PTPRC: variants seen among roughly 807,000 people sequenced by gnomAD.
PTPRC encodes the protein protein tyrosine phosphatase receptor type C, also known as receptor-type tyrosine-protein phosphatase C.
PTPRC carries 44 observed loss-of-function variants against 155.9 expected under a neutral mutation model. The ratio of observed to expected loss-of-function variants is 0.28; its 90% CI spans 0.22 to 0.36. PTPRC has a LOEUF of 0.36. Among genes scored for constraint, PTPRC ranks in the 10% least tolerant of loss-of-function variants. The pLI is 1.00. For synonymous variants in PTPRC, 525 were observed against 533.1 expected, an observed-to-expected ratio of 0.98 and a Z score of 0.21; for missense variants, 1,401 against 1,564.6, an observed-to-expected ratio of 0.90 and a Z score of 1.76.
At chr1:198,642,915 T>TCTTC (rs1662692314) in intron 2 of PTPRC, among the ~76,000 whole-genome samples, 6 of 138,604 alleles carry the variant, frequency 4.3e-5, no homozygotes, top group African/African-American at 1.4e-4. Flanking sequence ...TTCCTTTCTT[T>TCTTC]CTTTCTTTCT....
At chr1:198,650,899 G>T (rs1236687523) in intron 2 of PTPRC, among the ~76,000 whole-genome samples, 1 of 151,746 alleles carries the variant, frequency 6.6e-6, no homozygotes, top group East Asian at 1.9e-4. Context: ...AAAAGGGTTG[G>T]CATTATAGTG....
intron 2 of PTPRC, among the ~76,000 whole-genome samples, chr1:198,674,208 C>A (rs890935385): frequency 1.3e-4 from 20 of 152,148 alleles, no homozygotes; most frequent in Admixed American, 2.6e-4. Flanking sequence ...GGAGCGGCAT[C>A]TGATGCTCAT....
chr1:198,732,724 A>G (rs929373078), intron 20 of PTPRC, among the ~76,000 whole-genome samples, 168 bp downstream of exon 20: 26 of 151,940 alleles, frequency 1.7e-4, no homozygotes, highest in Non-Finnish European at 4.4e-5. Flanking sequence ...TTATTATGTG[A>G]CTATTGGTAT....
intron 2 of PTPRC, among the ~76,000 whole-genome samples, chr1:198,664,245 A>G (rs1487807247): frequency 6.6e-6 from 1 of 152,148 alleles, no homozygotes; most frequent in African/African-American, 2.4e-5. Context: ...CCCACATTTG[A>G]GAGGGAACTA....
chr1:198,755,625 C>T (rs1030537093), intron 32 of PTPRC, among the ~76,000 whole-genome samples: 8 of 152,010 alleles, frequency 5.3e-5, no homozygotes, highest in African/African-American at 1.7e-4. Context: ...AAGTACAAAA[C>T]GTGGCATCAT....
At chr1:198,664,092 T>C (rs968166619) in intron 2 of PTPRC, among the ~76,000 whole-genome samples, 1 of 152,078 alleles carries the variant, frequency 6.6e-6, no homozygotes, top group Non-Finnish European at 1.5e-5. Context: ...TTTAAGACAA[T>C]GTTTGCTATA....
chr1:198,739,765 C>T (rs1187098401), intron 23 of PTPRC, among the ~76,000 whole-genome samples: 1 of 151,762 alleles, frequency 6.6e-6, no homozygotes, highest in African/African-American at 2.4e-5. Flanking sequence ...CAACCAATGG[C>T]TGAAGAATAC....
intron 14 of PTPRC, among the ~76,000 whole-genome samples, chr1:198,719,468 C>A (rs1327024403): frequency 6.6e-6 from 1 of 152,104 alleles, no homozygotes; most frequent in African/African-American, 2.4e-5. Context: ...ACATAATTCC[C>A]CTTTTTATTT....
chr1:198,654,753 A>AT (rs1663459008), intron 2 of PTPRC, among the ~76,000 whole-genome samples: 1 of 151,914 alleles, frequency 6.6e-6, no homozygotes, highest in African/African-American at 2.4e-5. Flanking sequence ...ATATGTAATA[A>AT]TAGTAATAAA....
chr1:198,705,789 A>G (rs551279903), intron 8 of PTPRC, among the ~76,000 whole-genome samples: 88 of 152,162 alleles, frequency 5.8e-4, no homozygotes, highest in African/African-American at 2.0e-3. Context: ...TTCCTCTACA[A>G]TTGGAATTCT....
At chr1:198,641,647 A>T (rs1042574316) in intron 2 of PTPRC, among the ~76,000 whole-genome samples, 3 of 151,992 alleles carry the variant, frequency 2.0e-5, no homozygotes, top group Admixed American at 1.3e-4. Flanking sequence ...CTTTGTTTAG[A>T]ATTTCTAAAT....
At position 198,703,151 on chromosome 1, in the gene PTPRC, T is replaced by C. The variant is rs922398229; in HGVS notation, c.584-147T>C. The stretch of plus-strand genomic sequence containing the variant: ...GAAATAAATCTTTGATTCACTTTAT[T>C]ATTTTAAAAACAAGCGAATGTCAAA... On this transcript the variant is annotated intron_variant, in intron 6 of 32. Coordinates refer to ENST00000442510, the MANE Select transcript of PTPRC (RefSeq NM_002838.5). 3.3e-5 allele frequency: 35 copies of C among 1,060,886 alleles called. 1 individual carries two copies. Among genetic ancestry groups the C allele is most frequent in the Non-Finnish European group, 4.7e-5 (34 of 730,370 alleles). 65.7% of individuals were successfully genotyped at this position (1,060,886 alleles called of 1,614,324 possible). A position where few individuals can be genotyped will look rare whatever the true frequency, so the allele number is the denominator to read the frequency against.
intron 9 of PTPRC, among the ~76,000 whole-genome samples, chr1:198,707,355 T>C (rs1490338996): frequency 6.6e-6 from 1 of 152,172 alleles, no homozygotes; most frequent in East Asian, 1.9e-4. Context: ...ATTTGATGTG[T>C]ATGGGAAGAA....
At chr1:198,644,712 G>A (rs1662842619) in intron 2 of PTPRC, among the ~76,000 whole-genome samples, 1 of 151,780 alleles carries the variant, frequency 6.6e-6, no homozygotes, top group Non-Finnish European at 1.5e-5. Flanking sequence ...AAGTAAACAA[G>A]CATCTTCTAT....
chr1:198,752,190 C>G, intron 29 of PTPRC, 59 bp from the exon 30 acceptor site: 1 of 1,544,304 alleles, frequency 6.5e-7, no homozygotes, highest in Non-Finnish European at 8.9e-7. Context: ...AAGAGGGAGA[C>G]TGATCCTTTG....
chr1:198,683,576 T>C (rs1665457498), intron 2 of PTPRC, among the ~76,000 whole-genome samples: 1 of 152,106 alleles, frequency 6.6e-6, no homozygotes, highest in Admixed American at 6.5e-5. Flanking sequence ...GAAGCATCTT[T>C]CTCAGTTGTT....
intron 5 of PTPRC, among the ~76,000 whole-genome samples, chr1:198,701,050 T>G (rs919441539): frequency 8.6e-5 from 13 of 150,418 alleles, no homozygotes; most frequent in African/African-American, 3.3e-4. Context: ...TCTGAATGAG[T>G]TTTTTAAAGG....
intron 2 of PTPRC, among the ~76,000 whole-genome samples, chr1:198,652,392 G>C (rs72738017): frequency 0.018 from 2,688 of 151,852 alleles, 36 homozygotes; most frequent in Non-Finnish European, 0.024. Flanking sequence ...CGTGCATGTA[G>C]GCACTATCAT....
At chr1:198,643,643 G>A (rs1224672908) in intron 2 of PTPRC, among the ~76,000 whole-genome samples, 1 of 151,894 alleles carries the variant, frequency 6.6e-6, no homozygotes, top group Non-Finnish European at 1.5e-5. Flanking sequence ...CATAGTTTGA[G>A]AATGTTTTTC....
Sources: gnomAD v4.1 joint callset for allele counts (sites outside exome capture counted in the v4.1 genomes callset) on GRCh38, gnomAD v4.1.1 for gene constraint, MANE v1.5 for transcripts, NCBI Gene and HGNC (gene_info 2026-07-23, HGNC 2026-07-21) for gene names.